The following TOX3 variants were observed in gnomAD, a reference collection of about 807,000 sequenced individuals.
The protein encoded by TOX3 is CAG trinucleotide repeat-containing gene F9 protein.
In TOX3, 22 loss-of-function variants were observed where a neutral mutation model predicts 64.3. The observed-to-expected ratio is 0.34, with a 90% CI of 0.24 to 0.49. The LOEUF (loss-of-function observed/expected upper bound fraction) is 0.49, where lower values mean the gene tolerates loss of function less well. TOX3 is among the 20% of genes least tolerant of loss of function. TOX3 has a pLI of 0.99. For missense variants in TOX3, 661 were observed against 714.4 expected, an observed-to-expected ratio of 0.93 and a Z score of 0.85; for synonymous variants, 291 against 273.6, an observed-to-expected ratio of 1.06 and a Z score of -0.63.
At chr16:52,472,879 C>A (rs1353535865) in intron 1 of TOX3, among the ~76,000 whole-genome samples, 1 of 152,018 alleles carries the variant, frequency 6.6e-6, no homozygotes, top group Admixed American at 6.6e-5. Context: ...AGATAGAGTC[C>A]CCAAAGATAT....
At chr16:52,483,222 T>C (rs901591049) in intron 1 of TOX3, among the ~76,000 whole-genome samples, 6 of 152,216 alleles carry the variant, frequency 3.9e-5, no homozygotes, top group African/African-American at 1.4e-4. Context: ...AATAAGATTG[T>C]AAAGTGGTGA....
intron 1 of TOX3, among the ~76,000 whole-genome samples, chr16:52,509,709 T>C (rs1265277523): frequency 6.6e-6 from 1 of 152,226 alleles, no homozygotes; most frequent in African/African-American, 2.4e-5. Context: ...TGCTTATGTA[T>C]GTACATGTGC....
At chr16:52,503,232 G>C (rs895606305) in intron 1 of TOX3, among the ~76,000 whole-genome samples, 2 of 152,124 alleles carry the variant, frequency 1.3e-5, no homozygotes, top group African/African-American at 4.8e-5. Flanking sequence ...CAAGCCTTGG[G>C]CTATGAAGTC....
At chr16:52,462,247 AC>A (rs1280379667) in intron 3 of TOX3, among the ~76,000 whole-genome samples, 1 of 152,142 alleles carries the variant, frequency 6.6e-6, no homozygotes, top group African/African-American at 2.4e-5. Flanking sequence ...GCCATACATT[AC>A]AAAAGAAGCA....
chr16:52,438,181 T>A lies in TOX3; in HGVS notation c.*1044A>T, dbSNP rs2151735509. On this transcript the variant is annotated 3_prime_UTR_variant, in exon 7 of 7. Transcript: ENST00000219746. ...GCTGCTATCATAACTCATAAAAAAG[T>A]ATAAAACAGCATAAAAACACAATAA... 6.5e-6 allele frequency: 1 copy of A among 152,696 alleles called. No individual in the cohort carries two copies. The highest frequency in any genetic ancestry group is 6.5e-5 in the Admixed American group (1 of 15,292). The allele number at this position is 152,696 out of a possible 1,614,324, so 9.5% of individuals were successfully genotyped here. A position where few individuals can be genotyped will look rare whatever the true frequency, so the allele number is the denominator to read the frequency against.
At chr16:52,451,370 T>G (rs1447159966) in intron 3 of TOX3, among the ~76,000 whole-genome samples, 1 of 152,222 alleles carries the variant, frequency 6.6e-6, no homozygotes, top group Non-Finnish European at 1.5e-5. Context: ...TTCTGAAACT[T>G]ATTGCAGTTA....
intron 1 of TOX3, among the ~76,000 whole-genome samples, chr16:52,476,172 G>A (rs1005311318): frequency 7.2e-5 from 11 of 152,200 alleles, no homozygotes; most frequent in African/African-American, 2.6e-4. Context: ...CAGGAGAAAG[G>A]ATGGGAACAT....
chr16:52,520,522 T>C (rs1371376270), intron 1 of TOX3, among the ~76,000 whole-genome samples: 2 of 152,242 alleles, frequency 1.3e-5, no homozygotes, highest in Non-Finnish European at 1.5e-5. Context: ...TATTTGTATA[T>C]CACTTTCATG....
intron 1 of TOX3, among the ~76,000 whole-genome samples, chr16:52,521,658 T>C (rs1222721694): frequency 6.6e-6 from 1 of 152,216 alleles, no homozygotes; most frequent in Non-Finnish European, 1.5e-5. Context: ...GTATGATCTC[T>C]CCGATGATCC....
intron 1 of TOX3, among the ~76,000 whole-genome samples, chr16:52,508,939 A>G (rs1337649679): frequency 6.6e-6 from 1 of 152,220 alleles, no homozygotes; most frequent in Non-Finnish European, 1.5e-5. Context: ...GCATACTGCC[A>G]ATCAAAAGAT....
intron 1 of TOX3, among the ~76,000 whole-genome samples, chr16:52,534,896 G>C (rs1322760378): frequency 4.6e-5 from 7 of 152,074 alleles, no homozygotes; most frequent in Non-Finnish European, 8.8e-5. Flanking sequence ...AGAGAAATTT[G>C]GGCCTAAAAT....
rs1260153769 is a variant in TOX3, at chr16:52,487,171, G to T, written c.88-18597C>A. 2.0e-5 allele frequency among the ~76,000 whole-genome samples: 3 copies of T among 151,958 alleles called. No individual in the cohort carries two copies. The East Asian group carries it at 5.8e-4, about 29-fold the overall frequency. ...CTTTTGGGATTAGTGAGAAGGCCTT[G>T]TTCACCATGGGATGACAACAGTTGT... is the stretch of plus-strand genomic sequence containing the variant. On this transcript the variant is annotated intron_variant, in intron 1 of 6. Coordinates refer to ENST00000219746, the MANE Select transcript of TOX3 (RefSeq NM_001080430.4).
intron 2 of TOX3, among the ~76,000 whole-genome samples, chr16:52,467,595 T>A (rs1296636983): frequency 6.6e-6 from 1 of 152,044 alleles, no homozygotes; most frequent in African/African-American, 2.4e-5. Context: ...ATGAGGACTT[T>A]ATATTACATG....
chr16:52,476,239 T>C (rs555255655), intron 1 of TOX3, among the ~76,000 whole-genome samples: 1 of 152,316 alleles, frequency 6.6e-6, no homozygotes, highest in East Asian at 1.9e-4. Context: ...CAACAAGTTC[T>C]GTGGACCCAC....
intron 1 of TOX3, among the ~76,000 whole-genome samples, chr16:52,532,818 A>G (rs1463748409): frequency 1.3e-5 from 2 of 152,216 alleles, no homozygotes; most frequent in East Asian, 3.9e-4. Flanking sequence ...ATTCAAGTAT[A>G]TAATATCAGG....
chr16:52,470,616 A>G (rs1227648478), intron 1 of TOX3, among the ~76,000 whole-genome samples: 1 of 152,238 alleles, frequency 6.6e-6, no homozygotes. Context: ...TAATTACTGA[A>G]GAAACTACAG....
chr16:52,446,409 C>T (rs1960164941), intron 4 of TOX3, among the ~76,000 whole-genome samples, 188 bp from the exon 5 acceptor site: 1 of 152,132 alleles, frequency 6.6e-6, no homozygotes, highest in Non-Finnish European at 1.5e-5. Flanking sequence ...GCATTTAGAA[C>T]ATCGATTAAT....
At chr16:52,505,696 G>T (rs778207198) in intron 1 of TOX3, among the ~76,000 whole-genome samples, 4 of 152,120 alleles carry the variant, frequency 2.6e-5, no homozygotes, top group Non-Finnish European at 4.4e-5. Flanking sequence ...TCTCTAGAAG[G>T]CTGGGTACAG....
chr16:52,473,619 C>A (rs561298439), intron 1 of TOX3, among the ~76,000 whole-genome samples: 5 of 152,164 alleles, frequency 3.3e-5, no homozygotes, highest in African/African-American at 1.2e-4. Context: ...AAGGTTCAAC[C>A]ATTTTCAGCA....
Sources: allele counts gnomAD v4.1 joint callset (sites outside exome capture counted in the v4.1 genomes callset), GRCh38; gene constraint gnomAD v4.1.1; transcripts MANE v1.5; gene names NCBI Gene and HGNC (gene_info 2026-07-23, HGNC 2026-07-21).